WWOX: variants seen among roughly 807,000 people sequenced by gnomAD.
WWOX encodes WW domain containing oxidoreductase.
WWOX carries 69 observed loss-of-function variants against 46.2 expected under a neutral mutation model. That is an observed-to-expected ratio of 1.49 (90% confidence interval 1.23 to 1.82). WWOX has a LOEUF of 1.82. Ranked by LOEUF, WWOX falls within the 40% of genes most tolerant of loss-of-function variation. The probability of loss-of-function intolerance (pLI) is 0.00; values close to 1 mark genes in which losing one functional copy is unlikely to be tolerated. For missense variants in WWOX, 919 were observed against 542.6 expected, an observed-to-expected ratio of 1.69 and a Z score of -6.89; for synonymous variants, 359 against 202.6, an observed-to-expected ratio of 1.77 and a Z score of -6.56.
chr16:78,386,239 T>G (rs2082057598), intron 5 of WWOX, among the ~76,000 whole-genome samples: 1 of 152,182 alleles, frequency 6.6e-6, no homozygotes, highest in South Asian at 2.1e-4. Context: ...AGGCCCTAAG[T>G]ACACAGTAGC....
chr16:78,208,136 T>A (rs1205416794), intron 5 of WWOX, among the ~76,000 whole-genome samples: 1 of 152,246 alleles, frequency 6.6e-6, no homozygotes, highest in Non-Finnish European at 1.5e-5. Flanking sequence ...TCTGGCTAGC[T>A]TGATCATATG....
At chr16:78,730,918 C>G (rs1474613827) in intron 8 of WWOX, among the ~76,000 whole-genome samples, 1 of 152,070 alleles carries the variant, frequency 6.6e-6, no homozygotes, top group Non-Finnish European at 1.5e-5. Flanking sequence ...TTTAAAAATT[C>G]AGATCACTTT....
intron 8 of WWOX, among the ~76,000 whole-genome samples, chr16:78,480,710 A>G (rs976115442): frequency 1.3e-5 from 2 of 152,232 alleles, no homozygotes; most frequent in Non-Finnish European, 2.9e-5. Flanking sequence ...AATTGTGTGC[A>G]GTATGCAGTA....
chr16:78,325,613 A>G (rs767568265), intron 5 of WWOX, among the ~76,000 whole-genome samples: 1 of 152,194 alleles, frequency 6.6e-6, no homozygotes, highest in Non-Finnish European at 1.5e-5. Flanking sequence ...AGAAGTAATG[A>G]GATCAGAAGG....
At chr16:78,863,585 A>C (rs1236388372) in intron 8 of WWOX, among the ~76,000 whole-genome samples, 2 of 152,194 alleles carry the variant, frequency 1.3e-5, no homozygotes, top group African/African-American at 4.8e-5. Context: ...AGAAGGGCCT[A>C]AGAGTGAATC....
intron 8 of WWOX, among the ~76,000 whole-genome samples, chr16:79,045,473 C>T (rs1166705583): frequency 6.6e-6 from 1 of 152,140 alleles, no homozygotes; most frequent in Non-Finnish European, 1.5e-5. Context: ...TGCCAGCTGA[C>T]CTCTCCAGAA....
chr16:78,504,718 A>G (rs1462618311), intron 8 of WWOX, among the ~76,000 whole-genome samples: 1 of 152,106 alleles, frequency 6.6e-6, no homozygotes, highest in Non-Finnish European at 1.5e-5. Flanking sequence ...CTCAATTGCA[A>G]AAGTGAGGCT....
At chr16:78,941,433 C>A (rs890047260) in intron 8 of WWOX, among the ~76,000 whole-genome samples, 1 of 151,630 alleles carries the variant, frequency 6.6e-6, no homozygotes, top group African/African-American at 2.4e-5. Flanking sequence ...TCCTCGTAAG[C>A]GCATCATTAC....
Position 78,613,967 on chromosome 16 carries a change from GC to G in WWOX, c.1056+181216del, listed in dbSNP as rs1335576610. On this transcript the variant is annotated intron_variant, in intron 8 of 8. Transcript: ENST00000566780. The stretch of plus-strand genomic sequence containing the variant: ...TGTTGGTTTACGTACTGCGATGGCT[GC>G]TTTCAGCTACGTTGGCAGAGCTCAG... 8.5e-5 allele frequency among the ~76,000 whole-genome samples: 13 copies of G among 152,338 alleles called. No homozygotes were observed. In the East Asian group the frequency reaches 2.3e-3, roughly 27 times the overall value.
At chr16:78,638,004 C>T (rs2142105603) in intron 8 of WWOX, among the ~76,000 whole-genome samples, 1 of 152,282 alleles carries the variant, frequency 6.6e-6, no homozygotes, top group African/African-American at 2.4e-5. Flanking sequence ...CCTGTCTGTG[C>T]AGTGTTTGAG....
intron 5 of WWOX, among the ~76,000 whole-genome samples, chr16:78,355,122 A>C (rs2081258677): frequency 6.7e-6 from 1 of 149,114 alleles, no homozygotes; most frequent in African/African-American, 2.5e-5. Context: ...ACAGAGGGAG[A>C]CTCTGTCTCA....
chr16:78,855,192 G>A (rs1427623113), intron 8 of WWOX, among the ~76,000 whole-genome samples: 4 of 152,094 alleles, frequency 2.6e-5, no homozygotes, highest in Non-Finnish European at 4.4e-5. Context: ...ATAGATTACT[G>A]TCTTCATTAA....
At chr16:78,420,754 G>C (rs2082908489) in intron 6 of WWOX, among the ~76,000 whole-genome samples, 1 of 151,302 alleles carries the variant, frequency 6.6e-6, no homozygotes, top group Admixed American at 6.6e-5. Flanking sequence ...AGTATACATA[G>C]GTAGATTTTA....
chr16:78,738,114 G>T (rs1028581181), intron 8 of WWOX, among the ~76,000 whole-genome samples: 4 of 152,096 alleles, frequency 2.6e-5, no homozygotes, highest in African/African-American at 9.7e-5. Context: ...ATGTCTTCCT[G>T]AAAAACAGTT....
rs760636237 is a variant in WWOX, at chr16:78,099,767, C to G, written c.-12C>G. On this transcript the variant is annotated 5_prime_UTR_variant, in exon 1 of 9. Coordinates refer to ENST00000566780, the MANE Select transcript of WWOX (RefSeq NM_016373.4). ...CGGGCGATAGGGGGGCCAGGTGCCT[C>G]CACAGTCAGCCATGGCAGCGCTGCG... The G allele has an allele frequency of 1.3e-6, 2 of 1,537,156 alleles. No individual in the cohort carries two copies. Among genetic ancestry groups the G allele is most frequent in the Admixed American group, 4.2e-5 (2 of 48,124 alleles).
intron 8 of WWOX, among the ~76,000 whole-genome samples, chr16:79,178,366 G>A (rs1006690501): frequency 6.6e-6 from 1 of 152,118 alleles, no homozygotes; most frequent in Non-Finnish European, 1.5e-5. Context: ...ACCCAGGCTG[G>A]AGTGCAGTGG....
intron 8 of WWOX, among the ~76,000 whole-genome samples, chr16:79,072,958 T>G (rs373107053): frequency 3.3e-5 from 5 of 152,134 alleles, no homozygotes; most frequent in African/African-American, 1.2e-4. Flanking sequence ...CTCCGGGTCA[T>G]TGACAAACGT....
intron 6 of WWOX, among the ~76,000 whole-genome samples, chr16:78,424,032 A>G (rs4616293): frequency 0.12 from 17,405 of 151,142 alleles, 1,164 homozygotes; most frequent in East Asian, 0.22. Flanking sequence ...TGTTTTATTA[A>G]CAGCTAGCAA....
At chr16:78,546,414 C>G (rs995559681) in intron 8 of WWOX, among the ~76,000 whole-genome samples, 1 of 152,124 alleles carries the variant, frequency 6.6e-6, no homozygotes. Context: ...TTGAGTGTAA[C>G]TAGAAAGTGA....
Sources: allele counts gnomAD v4.1 joint callset (sites outside exome capture counted in the v4.1 genomes callset), GRCh38; gene constraint gnomAD v4.1.1; transcripts MANE v1.5; gene names NCBI Gene and HGNC (gene_info 2026-07-23, HGNC 2026-07-21).